Variants in DYNC1I2 observed in about 807,000 individuals in gnomAD.
DYNC1I2 encodes the protein dynein cytoplasmic 1 intermediate chain 2.
DYNC1I2 carries 53 observed loss-of-function variants against 88.6 expected under a neutral mutation model. The ratio of observed to expected loss-of-function variants is 0.60; its 90% CI spans 0.48 to 0.75. DYNC1I2 has a LOEUF of 0.75. DYNC1I2 is among the 30% of genes least tolerant of loss of function. The pLI is 0.00. For missense variants in DYNC1I2, 458 were observed against 766.6 expected, an observed-to-expected ratio of 0.60 and a Z score of 4.75; for synonymous variants, 198 against 254.6, an observed-to-expected ratio of 0.78 and a Z score of 2.12.
At chr2:171,727,460 T>C (rs1163207714) in intron 11 of DYNC1I2, among the ~76,000 whole-genome samples, 1 of 152,148 alleles carries the variant, frequency 6.6e-6, no homozygotes, top group East Asian at 1.9e-4. Flanking sequence ...AGTAAACACT[T>C]AACTTGAATT....
chr2:171,720,870 T>C (rs185045977), intron 7 of DYNC1I2, among the ~76,000 whole-genome samples: 30 of 152,324 alleles, frequency 2.0e-4, no homozygotes, highest in Admixed American at 1.8e-3. Flanking sequence ...TAATCTTGAT[T>C]GAAAGACTAA....
At chr2:171,737,306 CTT>C (rs1426304833) in intron 15 of DYNC1I2, among the ~76,000 whole-genome samples, 7 of 152,198 alleles carry the variant, frequency 4.6e-5, no homozygotes, top group Non-Finnish European at 4.4e-5. Context: ...CTCATCTTAA[CTT>C]GATTACATCT....
chr2:171,704,626 A>G (rs1365345980), intron 3 of DYNC1I2, among the ~76,000 whole-genome samples: 3 of 152,146 alleles, frequency 2.0e-5, no homozygotes, highest in East Asian at 1.9e-4. Flanking sequence ...TAGACTTACA[A>G]ACTGTCTTTA....
intron 14 of DYNC1I2, among the ~76,000 whole-genome samples, chr2:171,729,265 G>T (rs886159198): frequency 6.6e-6 from 1 of 152,038 alleles, no homozygotes; most frequent in African/African-American, 2.4e-5. Flanking sequence ...ATTTTAAACT[G>T]AGTAATATTT....
intron 12 of DYNC1I2, 84 bp from the exon 13 acceptor site, chr2:171,728,221 A>C: frequency 1.2e-6 from 1 of 843,208 alleles, no homozygotes; most frequent in Non-Finnish European, 1.8e-6. Flanking sequence ...ACTCGATAAT[A>C]AACAGAATGC....
At chr2:171,732,557 C>T (rs979998752) in intron 15 of DYNC1I2, among the ~76,000 whole-genome samples, 5 of 152,258 alleles carry the variant, frequency 3.3e-5, no homozygotes, top group Non-Finnish European at 5.9e-5. Flanking sequence ...TTTTGCTTAA[C>T]GTCACAGTTT....
chr2:171,708,916 T>C (rs1341017319), intron 5 of DYNC1I2, among the ~76,000 whole-genome samples: 1 of 152,126 alleles, frequency 6.6e-6, no homozygotes, highest in East Asian at 1.9e-4. Context: ...TGGACTCGAA[T>C]TCCCAGACTC....
At position 171,733,740 on chromosome 2, in the gene DYNC1I2, G is replaced by GT. The variant is rs530153938; in HGVS notation, c.1536+3895dup. 2.9e-3 allele frequency among the ~76,000 whole-genome samples: 419 copies of GT among 145,948 alleles called. 3 individuals are homozygous for GT. The highest frequency in any genetic ancestry group is 0.01 in the Middle Eastern group (3 of 286). ...CTGTAAGTTGTCTGTTTACTCAATA[G>GT]TTTTTTTTGTTTTTTAGGGGTTTTT... On this transcript the variant is annotated intron_variant, in intron 15 of 17. Transcript: ENST00000397119.
chr2:171,688,591 G>A (rs935914889), intron 1 of DYNC1I2: 2 of 152,130 alleles, frequency 1.3e-5, no homozygotes, highest in African/African-American at 4.8e-5. Context: ...AAGAAACACG[G>A]TCTCTTGCTT....
At chr2:171,690,802 A>C (rs1391899223) in intron 2 of DYNC1I2, among the ~76,000 whole-genome samples, 1 of 151,762 alleles carries the variant, frequency 6.6e-6, no homozygotes, top group African/African-American at 2.4e-5. Context: ...CTACAGGCAC[A>C]TGTCACTATG....
intron 15 of DYNC1I2, among the ~76,000 whole-genome samples, chr2:171,733,773 T>C (rs1401006613): frequency 6.6e-6 from 1 of 151,650 alleles, no homozygotes; most frequent in African/African-American, 2.4e-5. Context: ...TTTTTGTTTT[T>C]GTTTTTTGCT....
chr2:171,739,913 C>G (rs188614708), intron 15 of DYNC1I2, among the ~76,000 whole-genome samples: 1 of 152,076 alleles, frequency 6.6e-6, no homozygotes, highest in East Asian at 1.9e-4. Context: ...ACCATGTTGG[C>G]CAGGCTGGTC....
At position 171,749,561 on chromosome 2, in the gene DYNC1I2, T is replaced by TA. The variant is rs1689984150; in HGVS notation, c.*1677dup. Among the ~76,000 whole-genome samples, 1 of 152,122 alleles carries TA rather than the reference T, an allele frequency of 6.6e-6. No individual in the cohort carries two copies. The highest frequency in any genetic ancestry group is 2.4e-5 in the African/African-American group (1 of 41,438). The stretch of plus-strand genomic sequence containing the variant: ...TTACTGTATCTTTACCTTCAGTTTG[T>TA]AAAAATGACTAAAAGTAGGGAAAAC... On this transcript the variant is annotated 3_prime_UTR_variant, in exon 18 of 18. Transcript: ENST00000397119.
chr2:171,710,099 G>A (rs946859181), intron 5 of DYNC1I2, among the ~76,000 whole-genome samples: 1 of 147,770 alleles, frequency 6.8e-6, no homozygotes, highest in Non-Finnish European at 1.5e-5. Context: ...AGAGGGCTGA[G>A]TATATTCATT....
chr2:171,721,541 C>T (rs1287206955), intron 7 of DYNC1I2, among the ~76,000 whole-genome samples: 1 of 152,068 alleles, frequency 6.6e-6, no homozygotes, highest in Non-Finnish European at 1.5e-5. Context: ...AAAATCATTC[C>T]TATGTAATCT....
At chr2:171,715,240 G>T in intron 6 of DYNC1I2, 88 bp from the exon 7 acceptor site, 1 of 697,798 alleles carries the variant, frequency 1.4e-6, no homozygotes. Flanking sequence ...TACAATGTTG[G>T]GTGCAAATGA....
chr2:171,707,309 C>T lies in DYNC1I2; in HGVS notation c.267C>T (p.Ser89=). The T allele has an allele frequency of 3.7e-6, 6 of 1,613,820 alleles. No homozygotes were observed. The highest frequency in any genetic ancestry group is 5.1e-6 in the Non-Finnish European group (6 of 1,179,750). ...EYWVPPPMSP[S]SKSVSTPSEA... is the part of the protein sequence containing the mutation. Reference sequence around the variant, plus strand: ...TAGTCCCTCCTCCTATGTCTCCATCCTCCAAATCTGTGAGCACTCCAAGTG... The same window carrying T: ...TAGTCCCTCCTCCTATGTCTCCATCTTCCAAATCTGTGAGCACTCCAAGTG... The change falls in exon 5 of 18, where the codon TCC becomes TCT. Residue 89 remains serine, a synonymous_variant. Transcript: ENST00000397119.
At position 171,689,914 on chromosome 2, in the gene DYNC1I2, T is replaced by TG. The variant is rs1275204489; in HGVS notation, c.-9-229dup. On this transcript the variant is annotated intron_variant, in intron 1 of 17. Coordinates refer to ENST00000397119, the MANE Select transcript of DYNC1I2 (RefSeq NM_001378.3). ...TTTTTTTTTTTTTTTTTTGTAGAGATGGGGTCTTGCTTTGTTGCCCAGGCT... is the reference window on the plus strand; with the variant it reads ...TTTTTTTTTTTTTTTTTTGTAGAGATGGGGGTCTTGCTTTGTTGCCCAGGCT... Among the ~76,000 whole-genome samples the TG allele has an allele frequency of 4.7e-5, 5 of 107,434 alleles. No individual in the cohort carries two copies. The Admixed American group carries it at 5.2e-4, about 11-fold the overall frequency. 70.5% of individuals were successfully genotyped at this position (107,434 alleles called of 152,430 possible). A position where few individuals can be genotyped will look rare whatever the true frequency, so the allele number is the denominator to read the frequency against.
chr2:171,689,464 GTCATATAGCT>G (rs1394302719), intron 1 of DYNC1I2, among the ~76,000 whole-genome samples: 3 of 152,078 alleles, frequency 2.0e-5, no homozygotes, highest in Non-Finnish European at 4.4e-5. Context: ...TTTGATCTGT[GTCATATAGCT>G]TAAGAGCTTC....
Sources: gnomAD v4.1 joint callset for allele counts (sites outside exome capture counted in the v4.1 genomes callset) on GRCh38, gnomAD v4.1.1 for gene constraint, MANE v1.5 for transcripts, NCBI Gene and HGNC (gene_info 2026-07-23, HGNC 2026-07-21) for gene names.